The following VPS26C variants were observed in gnomAD, a reference collection of about 807,000 sequenced individuals.
VPS26C encodes VPS26 endosomal protein sorting factor C, also known as vacuolar protein sorting-associated protein 26C.
In VPS26C, 19 loss-of-function variants were observed where a neutral mutation model predicts 30.6. The ratio of observed to expected loss-of-function variants is 0.62; its 90% CI spans 0.43 to 0.91. The LOEUF is 0.91. Among genes scored for constraint, VPS26C ranks in the 40% least tolerant of loss-of-function variants. The pLI is 0.00. For missense variants in VPS26C, 318 were observed against 385.1 expected (o/e 0.83, Z 1.46); for synonymous variants, 132 against 151.5 (o/e 0.87, Z 0.95).
At position 37,257,361 on chromosome 21, in the gene VPS26C, G is replaced by T. The variant is rs568565407; in HGVS notation, c.57+9877C>A. ...GCTTCTCGTGGGCGAGTCCCTGTTC[G>T]CAGGTGACGTGTGGACCACGCTCTT... On this transcript the variant is annotated intron_variant, in intron 1 of 7. Transcript: ENST00000309117. This position sits in a 1 kb window ranked among gnomAD's most constrained non-coding sequence, Gnocchi z 4.2. Among the ~76,000 whole-genome samples, 2 of 152,188 alleles carry T rather than the reference G, an allele frequency of 1.3e-5. No homozygotes were observed. The highest frequency in any genetic ancestry group is 4.8e-5 in the African/African-American group (2 of 41,524).
At chr21:37,244,165 C>G (rs1024806566) in intron 1 of VPS26C, among the ~76,000 whole-genome samples, 1 of 152,270 alleles carries the variant, frequency 6.6e-6, no homozygotes, top group African/African-American at 2.4e-5. Flanking sequence ...TACTGGCCAC[C>G]TTGCTCTTCT....
In VPS26C at chr21:37,225,534, C is replaced by A; in HGVS notation, c.*10G>T. ...GGCCACTCCCGTTCTCTATGCTTCCCTCCTCCGGGCTATATCCTGCAGAGC... is the reference window on the plus strand; with the variant it reads ...GGCCACTCCCGTTCTCTATGCTTCCATCCTCCGGGCTATATCCTGCAGAGC... On this transcript the variant is annotated 3_prime_UTR_variant, in exon 8 of 8. Transcript: ENST00000309117. The A allele has an allele frequency of 6.2e-7, 1 of 1,613,374 alleles. No homozygotes were observed. The highest frequency in any genetic ancestry group is 8.5e-7 in the Non-Finnish European group (1 of 1,179,286).
intron 1 of VPS26C, among the ~76,000 whole-genome samples, chr21:37,265,288 T>C (rs1025892392): frequency 6.6e-6 from 1 of 152,234 alleles, no homozygotes; most frequent in African/African-American, 2.4e-5. Context: ...TATTTTAAAT[T>C]ATCTTTATAA....
chr21:37,232,464 G>A lies in VPS26C; in HGVS notation c.433-13C>T, dbSNP rs552413399. 4 of 1,612,378 alleles carry A rather than the reference G, an allele frequency of 2.5e-6. No individual in the cohort carries two copies. Among genetic ancestry groups the A allele is most frequent in the East Asian group, 2.2e-5 (1 of 44,870 alleles). On this transcript the variant is annotated splice_polypyrimidine_tract_variant and intron_variant, in intron 4 of 7. Coordinates refer to ENST00000309117, the MANE Select transcript of VPS26C (RefSeq NM_006052.2). ...TCCCCTTCTGAGGCTAAAACGAGAG[G>A]TGAAACCGAAATCAGTAGGTGAAGG...
intron 1 of VPS26C, among the ~76,000 whole-genome samples, chr21:37,250,561 A>C (rs532566913): frequency 5.9e-4 from 90 of 152,258 alleles, no homozygotes; most frequent in African/African-American, 2.1e-3. Flanking sequence ...TTAATATAAC[A>C]AATTAGCAAA....
intron 1 of VPS26C, among the ~76,000 whole-genome samples, chr21:37,260,190 G>A (rs955285871): frequency 6.6e-6 from 1 of 152,156 alleles, no homozygotes; most frequent in Non-Finnish European, 1.5e-5. Flanking sequence ...CGGAGAAAAC[G>A]CTACCTCTTA....
Position 37,233,206 on chromosome 21 carries a change from A to C in VPS26C, c.432+156T>G, listed in dbSNP as rs572677051. 7.6e-4 allele frequency: 497 copies of C among 654,256 alleles called. No homozygotes were observed. Among genetic ancestry groups the C allele is most frequent in the Admixed American group, 2.0e-3 (80 of 40,734 alleles). 40.5% of individuals were successfully genotyped at this position (654,256 alleles called of 1,614,324 possible). A position where few individuals can be genotyped will look rare whatever the true frequency, so the allele number is the denominator to read the frequency against. On this transcript the variant is annotated intron_variant, in intron 4 of 7. Transcript: ENST00000309117. This position sits in a 1 kb window ranked among gnomAD's most constrained non-coding sequence, Gnocchi z 5.2. ...GGACAATGATGCACACGTGATGCGC[A>C]TGCCACCGACTGTCTCTGACCCAGA...
At chr21:37,265,486 A>G (rs2086349108) in intron 1 of VPS26C, among the ~76,000 whole-genome samples, 1 of 152,220 alleles carries the variant, frequency 6.6e-6, no homozygotes, top group African/African-American at 2.4e-5. Context: ...CATAACCAAA[A>G]TATAAATATT....
intron 7 of VPS26C, 127 bp downstream of exon 7, chr21:37,227,527 T>C: frequency 1.8e-6 from 2 of 1,091,988 alleles, no homozygotes; most frequent in Non-Finnish European, 2.7e-6. Context: ...CTGTATGGCC[T>C]GTGGCAGGCC....
chr21:37,263,872 C>G (rs73903522), intron 1 of VPS26C, among the ~76,000 whole-genome samples: 13,390 of 152,180 alleles, frequency 0.088, 1,507 homozygotes, highest in African/African-American at 0.24. Flanking sequence ...GCTATCAGCT[C>G]CATTGCAGCC....
chr21:37,227,306 A>G (rs1432036368), intron 7 of VPS26C: 2 of 226,358 alleles, frequency 8.8e-6, no homozygotes, highest in Non-Finnish European at 1.7e-5. Context: ...TCACCTGCCC[A>G]TGTCTACACG....
intron 1 of VPS26C, among the ~76,000 whole-genome samples, chr21:37,247,522 C>A (rs186220183): frequency 3.9e-5 from 6 of 152,256 alleles, no homozygotes; most frequent in Admixed American, 3.9e-4. Flanking sequence ...GCAAACAAGA[C>A]AGACTGTAAA....
At chr21:37,265,973 AG>A (rs1322759512) in intron 1 of VPS26C, among the ~76,000 whole-genome samples, 1 of 131,020 alleles carries the variant, frequency 7.6e-6, no homozygotes, top group Admixed American at 9.4e-5. Flanking sequence ...GCTGGAGTGC[AG>A]TGGCACAATC....
At chr21:37,242,903 C>T (rs1438191730) in intron 1 of VPS26C, among the ~76,000 whole-genome samples, 3 of 152,042 alleles carry the variant, frequency 2.0e-5, no homozygotes, top group South Asian at 2.1e-4. Context: ...TTTTATGACT[C>T]GAGACACAAT....
intron 1 of VPS26C, among the ~76,000 whole-genome samples, chr21:37,244,967 G>A (rs2086122896): frequency 6.6e-6 from 1 of 152,220 alleles, no homozygotes. Context: ...GAGCCCCTCT[G>A]CAAGGTGCAA....
intron 3 of VPS26C, among the ~76,000 whole-genome samples, chr21:37,234,745 A>G (rs1290527871): frequency 1.3e-5 from 2 of 152,206 alleles, no homozygotes; most frequent in African/African-American, 2.4e-5. Flanking sequence ...AGAAGTTACT[A>G]TATATATTTA....
chr21:37,240,414 T>G (rs2086073195), intron 2 of VPS26C, 82 bp downstream of exon 2: 24 of 1,512,416 alleles, frequency 1.6e-5, no homozygotes, highest in Non-Finnish European at 2.2e-5. Context: ...CCTGAGCCAC[T>G]GCGCCTGGCC....
intron 1 of VPS26C, among the ~76,000 whole-genome samples, chr21:37,265,525 A>G (rs2086349499): frequency 1.3e-5 from 2 of 152,312 alleles, no homozygotes; most frequent in African/African-American, 4.8e-5. Flanking sequence ...ACCAATATAC[A>G]ACAATTATAG....
At chr21:37,255,431 G>C (rs1241269840) in intron 1 of VPS26C, among the ~76,000 whole-genome samples, 1 of 152,154 alleles carries the variant, frequency 6.6e-6, no homozygotes, top group Non-Finnish European at 1.5e-5. Flanking sequence ...AAGGGACCGC[G>C]ACCATCACTG....
Sources: allele counts gnomAD v4.1 joint callset (sites outside exome capture counted in the v4.1 genomes callset), GRCh38; gene constraint gnomAD v4.1.1; non-coding constraint Gnocchi (gnomAD v3.1); transcripts MANE v1.5; gene names NCBI Gene and HGNC (gene_info 2026-07-23, HGNC 2026-07-21).